The following SBNO1 variants were observed in gnomAD, a reference collection of about 807,000 sequenced individuals.
SBNO1 encodes strawberry notch homolog 1.
In SBNO1, 23 loss-of-function variants were observed where a neutral mutation model predicts 173.6. The observed-to-expected ratio is 0.13, with a 90% CI of 0.10 to 0.19. SBNO1 has a LOEUF of 0.19. Ranked by LOEUF, SBNO1 falls within the 10% of genes least tolerant of loss-of-function variation. SBNO1 has a pLI of 1.00. For missense variants in SBNO1, 1,238 were observed against 1,671.2 expected (o/e 0.74, Z 4.52); for synonymous variants, 632 against 571.5 (o/e 1.11, Z -1.51).
intron 20 of SBNO1, among the ~76,000 whole-genome samples, chr12:123,318,390 G>GATCCA (rs975579323): frequency 5.3e-5 from 8 of 151,730 alleles, no homozygotes; most frequent in African/African-American, 1.9e-4. Context: ...AGTGAGCTGA[G>GATCCA]ATCCAGCCTG....
intron 10 of SBNO1, 100 bp downstream of exon 10, chr12:123,328,634 A>T: frequency 2.0e-6 from 2 of 987,478 alleles, no homozygotes; most frequent in Non-Finnish European, 2.8e-6. Flanking sequence ...TTTTCACTCC[A>T]GCAACTCGTT....
intron 22 of SBNO1, 21 bp downstream of exon 22, chr12:123,315,527 C>A: frequency 6.3e-7 from 1 of 1,575,394 alleles, no homozygotes; most frequent in Non-Finnish European, 8.7e-7. Context: ...TTACACACAG[C>A]CACACAACTC....
chr12:123,325,129 C>T (rs943676125), intron 15 of SBNO1, among the ~76,000 whole-genome samples: 4 of 152,060 alleles, frequency 2.6e-5, no homozygotes, highest in African/African-American at 7.2e-5. Context: ...AAGTAGACTT[C>T]GTTATATTAG....
At position 123,334,006 on chromosome 12, in the gene SBNO1, T is replaced by C. The variant is rs757236699; in HGVS notation, c.909+47A>G. 7.8e-6 allele frequency: 10 copies of C among 1,275,456 alleles called. No homozygotes were observed. The South Asian group carries it at 9.6e-5, about 12-fold the overall frequency. 79.0% of individuals were successfully genotyped at this position (1,275,456 alleles called of 1,614,324 possible). A position where few individuals can be genotyped will look rare whatever the true frequency, so the allele number is the denominator to read the frequency against. ...TTTAGATTGAAACAACTCTGTTATA[T>C]AGAATAGGATAAAATAATTATTGTA... is the stretch of plus-strand genomic sequence containing the variant. On this transcript the variant is annotated intron_variant, in intron 7 of 31. Transcript: ENST00000602398.
At chr12:123,348,173 G>T in intron 2 of SBNO1, 40 bp from the exon 3 acceptor site, 1 of 1,104,210 alleles carries the variant, frequency 9.1e-7, no homozygotes, top group Non-Finnish European at 1.4e-6. Context: ...TAAAAGGACA[G>T]CAGTAAATTC....
intron 1 of SBNO1, among the ~76,000 whole-genome samples, chr12:123,362,610 T>TA (rs1255462440): frequency 8.4e-5 from 12 of 143,260 alleles, no homozygotes; most frequent in Non-Finnish European, 1.7e-4. Flanking sequence ...GCCAACTACA[T>TA]AAAAAAAAAT....
At chr12:123,315,520 C>G in intron 22 of SBNO1, 28 bp downstream of exon 22, 1 of 1,571,756 alleles carries the variant, frequency 6.4e-7, no homozygotes, top group South Asian at 1.1e-5. Flanking sequence ...TCATCATTTA[C>G]ACACAGCCAC....
chr12:123,353,747 G>T (rs1470440924), intron 1 of SBNO1, among the ~76,000 whole-genome samples: 1 of 152,070 alleles, frequency 6.6e-6, no homozygotes, highest in Non-Finnish European at 1.5e-5. Context: ...AAAATACTTC[G>T]TTAAGACTAA....
At chr12:123,328,084 C>A in intron 10 of SBNO1, 57 bp from the exon 11 acceptor site, 1 of 1,360,458 alleles carries the variant, frequency 7.4e-7, no homozygotes, top group South Asian at 1.3e-5. Context: ...AATCTCCAGT[C>A]TTTCAAGAAG....
At chr12:123,344,368 A>G (rs1165129975) in intron 4 of SBNO1, among the ~76,000 whole-genome samples, 1 of 152,200 alleles carries the variant, frequency 6.6e-6, no homozygotes, top group Admixed American at 6.5e-5. Flanking sequence ...TGAGAGGAGA[A>G]CCAAAAAACG....
chr12:123,296,456 G>T (rs1320872369), intron 31 of SBNO1, among the ~76,000 whole-genome samples: 1 of 143,358 alleles, frequency 7.0e-6, no homozygotes, highest in African/African-American at 2.6e-5. Flanking sequence ...TAGCAAACTG[G>T]AAAGGATACT....
intron 30 of SBNO1, 137 bp downstream of exon 30, chr12:123,302,687 T>C: frequency 1.5e-6 from 1 of 687,036 alleles, no homozygotes; most frequent in African/African-American, 1.8e-5. Context: ...CCAGTAAATA[T>C]TCCTGATGGA....
Position 123,321,767 on chromosome 12 carries a change from A to G in SBNO1, c.2126-35T>C, listed in dbSNP as rs1193826748. ...GCCACAAACAAGAGAGTCAGCCCAA[A>G]TTCAATGTTTCTTAAGATCCAGTAC... On this transcript the variant is annotated intron_variant, in intron 16 of 31. Coordinates refer to ENST00000602398, the MANE Select transcript of SBNO1 (RefSeq NM_001167856.3). 2.6e-6 allele frequency: 4 copies of G among 1,548,022 alleles called. No homozygotes were observed. The South Asian group carries it at 3.4e-5, about 13-fold the overall frequency.
chr12:123,296,838 T>C (rs1250930953), intron 31 of SBNO1, among the ~76,000 whole-genome samples: 4 of 150,574 alleles, frequency 2.7e-5, no homozygotes, highest in Non-Finnish European at 3.0e-5. Context: ...GGATTATAGG[T>C]GTGAGCCACC....
chr12:123,311,536 G>C (rs892047762), intron 24 of SBNO1, among the ~76,000 whole-genome samples: 1 of 151,946 alleles, frequency 6.6e-6, no homozygotes, highest in South Asian at 2.1e-4. Flanking sequence ...CATATTTTTA[G>C]TAGAGTCGGG....
In SBNO1 at chr12:123,320,571, G is replaced by A. The variant is rs754535214; in HGVS notation, c.2528C>T (p.Thr843Ile). The change falls in exon 19 of 32, where the codon ACA (threonine) becomes ATA (isoleucine). Residue 843 changes from threonine to isoleucine, a missense_variant. Thr to Ile is a moderately conservative substitution (Grantham distance 89). Around this residue, in one of 14 missense-constraint regions of SBNO1, gnomAD observed 74 missense variants for 68.5 expected, o/e 1.08. Coordinates refer to ENST00000602398, the MANE Select transcript of SBNO1 (RefSeq NM_001167856.3). ...AGCCCTTTCCACAGCATCCTGACTT[G>A]TTATAAGGCTACTGTTACTGTTGGT... Reference protein sequence around the residue: ...SNTNSNSSLITSQDAVERAQQ... With the variant: ...SNTNSNSSLIISQDAVERAQQ... The A allele has an allele frequency of 1.2e-6, 2 of 1,614,034 alleles. No homozygotes were observed. The highest frequency in any genetic ancestry group is 1.3e-5 in the African/African-American group (1 of 75,044).
chr12:123,341,177 C>T (rs1054736609), intron 4 of SBNO1, 89 bp from the exon 5 acceptor site: 97 of 719,728 alleles, frequency 1.3e-4, no homozygotes, highest in East Asian at 1.1e-3. Context: ...AAGGCTGCTG[C>T]GGTGGCTCAC....
At chr12:123,364,073 CCCG>C in intron 1 of SBNO1, 1 of 985,444 alleles carries the variant, frequency 1.0e-6, no homozygotes, top group East Asian at 1.1e-4. Flanking sequence ...GGTGAGCTCG[CCCG>C]CCGAGGCAGA....
In SBNO1 at chr12:123,345,435, G is replaced by C. The variant is rs1400410706; in HGVS notation, c.373C>G (p.Gln125Glu). ...RQTITLTKFI[Q>E]TTASTRPSVS... ...GACGGGCGTGTGCTTGCAGTAGTCTGGATAAACTTAGTTAAAGTGATGGTT... is the reference window on the plus strand; with the variant it reads ...GACGGGCGTGTGCTTGCAGTAGTCTCGATAAACTTAGTTAAAGTGATGGTT... The change falls in exon 4 of 32, where the codon CAG becomes GAG. Residue 125 changes from glutamine (Q) to glutamate (E), a missense_variant. Gln to Glu is a conservative substitution (Grantham distance 29, BLOSUM62 2). Around this residue, in one of 14 missense-constraint regions of SBNO1, gnomAD observed 287 missense variants for 274.1 expected, o/e 1.05. Coordinates refer to ENST00000602398, the MANE Select transcript of SBNO1 (RefSeq NM_001167856.3). The C allele has an allele frequency of 6.2e-7, 1 of 1,614,172 alleles. No individual in the cohort carries two copies. The highest frequency in any genetic ancestry group is 8.5e-7 in the Non-Finnish European group (1 of 1,180,042).
Sources: gnomAD v4.1 joint callset for allele counts (sites outside exome capture counted in the v4.1 genomes callset) on GRCh38, gnomAD v4.1.1 for gene constraint, gnomAD v4.1.1 regional missense constraint, MANE v1.5 for transcripts, NCBI Gene and HGNC (gene_info 2026-07-23, HGNC 2026-07-21) for gene names.